BACH2: variants seen among roughly 807,000 people sequenced by gnomAD.
BACH2 encodes BACH transcriptional regulator 2.
A neutral mutation model predicts 61.8 loss-of-function variants in BACH2; 5 were observed. The ratio of observed to expected loss-of-function variants is 0.08; its 90% confidence interval spans 0.04 to 0.17. BACH2 has a LOEUF of 0.17. BACH2 is among the 10% of genes least tolerant of loss of function. The pLI, the probability that BACH2 is intolerant of heterozygous loss-of-function variation, is 1.00. For missense variants in BACH2, 824 were observed against 1,091.1 expected (o/e 0.76, Z 3.45); for synonymous variants, 446 against 440.1 (o/e 1.01, Z -0.17).
At chr6:90,241,096 C>T (rs1369988511) in intron 3 of BACH2, among the ~76,000 whole-genome samples, 2 of 146,628 alleles carry the variant, frequency 1.4e-5, no homozygotes, top group African/African-American at 5.1e-5. Context: ...GATCGCCCCA[C>T]TGCACTCCAG....
chr6:90,233,980 G>A (rs1187455629), intron 3 of BACH2, among the ~76,000 whole-genome samples: 2 of 152,156 alleles, frequency 1.3e-5, no homozygotes, highest in African/African-American at 2.4e-5. Flanking sequence ...ACCAGACTCA[G>A]GGTTTTCCTG....
At chr6:90,197,447 TTAAC>T (rs979708672) in intron 4 of BACH2, among the ~76,000 whole-genome samples, 24 of 152,178 alleles carry the variant, frequency 1.6e-4, no homozygotes. Context: ...CAATCACCAA[TTAAC>T]TAAGTAGAAT....
chr6:90,162,928 T>C (rs1261652422), intron 4 of BACH2, among the ~76,000 whole-genome samples: 1 of 152,170 alleles, frequency 6.6e-6, no homozygotes, highest in Non-Finnish European at 1.5e-5. Context: ...AAAGCGGACT[T>C]GTAGTTGGTT....
chr6:90,294,347 G>A (rs543092788), intron 1 of BACH2, among the ~76,000 whole-genome samples: 1 of 152,238 alleles, frequency 6.6e-6, no homozygotes, highest in East Asian at 1.9e-4. Context: ...TTTATTCCAT[G>A]GTTGTGTGTT....
At chr6:90,146,444 C>T (rs543370990) in intron 4 of BACH2, among the ~76,000 whole-genome samples, 5 of 152,372 alleles carry the variant, frequency 3.3e-5, no homozygotes, top group African/African-American at 4.8e-5. Flanking sequence ...CTATACGATT[C>T]TGAGGCACAG....
intron 5 of BACH2, among the ~76,000 whole-genome samples, chr6:90,076,014 C>A (rs1215655363): frequency 6.6e-6 from 1 of 152,104 alleles, no homozygotes; most frequent in African/African-American, 2.4e-5. Flanking sequence ...AAAGGCTGGC[C>A]TCACTTTGCT....
chr6:90,280,473 T>A (rs967889650), intron 1 of BACH2, among the ~76,000 whole-genome samples: 1 of 152,208 alleles, frequency 6.6e-6, no homozygotes, highest in African/African-American at 2.4e-5. Context: ...CAAGGTGTTT[T>A]AAATTGATAA....
intron 5 of BACH2, among the ~76,000 whole-genome samples, chr6:90,026,577 C>T (rs1778647462): frequency 1.3e-5 from 2 of 152,132 alleles, no homozygotes; most frequent in South Asian, 4.1e-4. Context: ...TCAAACCTAA[C>T]TCCTTCTTGG....
At chr6:90,254,198 A>G (rs2127871784) in intron 2 of BACH2, among the ~76,000 whole-genome samples, 1 of 151,930 alleles carries the variant, frequency 6.6e-6, no homozygotes, top group East Asian at 1.9e-4. Context: ...TCATCTCAAT[A>G]TCTAGTATGA....
intron 6 of BACH2, among the ~76,000 whole-genome samples, chr6:89,965,562 T>C (rs2128359979): frequency 6.6e-6 from 1 of 152,346 alleles, no homozygotes; most frequent in South Asian, 2.1e-4. Flanking sequence ...TTGTACACCC[T>C]AGAGTCTCAA....
At chr6:90,198,818 A>C (rs1163922107) in intron 4 of BACH2, among the ~76,000 whole-genome samples, 2 of 152,196 alleles carry the variant, frequency 1.3e-5, no homozygotes, top group African/African-American at 4.8e-5. Context: ...GTCCCCACCC[A>C]AATTTCAAAC....
intron 4 of BACH2, among the ~76,000 whole-genome samples, chr6:90,186,623 C>T (rs1383472976): frequency 6.6e-6 from 1 of 152,090 alleles, no homozygotes; most frequent in African/African-American, 2.4e-5. Flanking sequence ...ATCCCAAGTG[C>T]TTATTAAATT....
chr6:89,959,546 A>T, intron 6 of BACH2, among the ~76,000 whole-genome samples: 1 of 152,160 alleles, frequency 6.6e-6, no homozygotes. Context: ...AAAAACACCT[A>T]AAAAAATTAT....
intron 4 of BACH2, among the ~76,000 whole-genome samples, chr6:90,184,107 A>AAC (rs1005619645): frequency 1.3e-5 from 2 of 152,286 alleles, no homozygotes; most frequent in African/African-American, 4.8e-5. Flanking sequence ...GTTTATGTGA[A>AAC]ACCAAGTACC....
At position 90,014,493 on chromosome 6, in the gene BACH2, T is replaced by A. The variant is rs1230961164; in HGVS notation, c.-12-5637A>T. On this transcript the variant is annotated intron_variant, in intron 5 of 8. Transcript: ENST00000257749. Reference sequence around the variant, plus strand: ...ATTTTTTTTTTTTTTTTTTTTTTTTTAGACAGATTCTTGCTCTGTTGCCAG... The same window carrying A: ...ATTTTTTTTTTTTTTTTTTTTTTTTAAGACAGATTCTTGCTCTGTTGCCAG... Among the ~76,000 whole-genome samples, 60 of 121,442 alleles carry A rather than the reference T, an allele frequency of 4.9e-4. No individual in the cohort carries two copies. In the East Asian group the frequency reaches 0.012, roughly 25 times the overall value. The allele number at this position is 121,442 out of a possible 152,430, so 79.7% of individuals were successfully genotyped here. A position where few individuals can be genotyped will look rare whatever the true frequency, so the allele number is the denominator to read the frequency against.
At chr6:90,108,103 G>A (rs748261436) in intron 4 of BACH2, among the ~76,000 whole-genome samples, 4 of 152,172 alleles carry the variant, frequency 2.6e-5, no homozygotes, top group East Asian at 3.9e-4. Flanking sequence ...CCCATGGGGC[G>A]TGAGGACTGA....
chr6:90,022,566 A>G (rs1215754486), intron 5 of BACH2, among the ~76,000 whole-genome samples: 3 of 152,270 alleles, frequency 2.0e-5, no homozygotes, highest in Admixed American at 6.5e-5. Context: ...CCTGGGCGAC[A>G]GAGCAAGACT....
chr6:90,134,075 A>G (rs1337568646), intron 4 of BACH2, among the ~76,000 whole-genome samples: 3 of 152,234 alleles, frequency 2.0e-5, no homozygotes, highest in South Asian at 2.1e-4. Context: ...TGGCTGGATC[A>G]AATGGTATTT....
chr6:90,289,771 G>A (rs1223612881), intron 1 of BACH2, among the ~76,000 whole-genome samples: 8 of 152,298 alleles, frequency 5.3e-5, no homozygotes, highest in South Asian at 2.1e-4. Flanking sequence ...AATAATCTTC[G>A]GGCCACAGAG....
Sources: allele counts gnomAD v4.1 joint callset (sites outside exome capture counted in the v4.1 genomes callset), GRCh38; gene constraint gnomAD v4.1.1; transcripts MANE v1.5; gene names NCBI Gene and HGNC (gene_info 2026-07-23, HGNC 2026-07-21).